PRUNE2: variants seen among roughly 807,000 people sequenced by gnomAD.
The protein encoded by PRUNE2 is protein prune homolog 2.
In PRUNE2, 164 loss-of-function variants were observed where a neutral mutation model predicts 252.0. The observed-to-expected ratio is 0.65, with a 90% CI of 0.57 to 0.74. The LOEUF is 0.74. PRUNE2 is among the 30% of genes least tolerant of loss of function. PRUNE2 has a pLI of 0.00. For synonymous variants in PRUNE2, 1,292 were observed against 1,350.2 expected, an observed-to-expected ratio of 0.96 and a Z score of 0.94; for missense variants, 3,495 against 3,711.0, an observed-to-expected ratio of 0.94 and a Z score of 1.51.
chr9:76,679,044 A>T (rs554441809), intron 9 of PRUNE2, among the ~76,000 whole-genome samples: 12 of 152,312 alleles, frequency 7.9e-5, no homozygotes, highest in Admixed American at 2.6e-4. Flanking sequence ...CTGCACTTGA[A>T]TCTTGGCTCT....
Position 76,834,430 on chromosome 9 carries a change from C to T in PRUNE2, c.509-7698G>A, listed in dbSNP as rs183473852. Among the ~76,000 whole-genome samples, 223 of 152,190 alleles carry T rather than the reference C, an allele frequency of 1.5e-3. 2 individuals carry two copies. The highest frequency in any genetic ancestry group is 4.5e-3 in the African/African-American group (187 of 41,516). ...CAATAATACAAAATTACCTGTATTT[C>T]CATAAATAATCACAATTAAAAATCA... On this transcript the variant is annotated intron_variant, in intron 4 of 18. Coordinates refer to ENST00000376718, the MANE Select transcript of PRUNE2 (RefSeq NM_015225.3).
chr9:76,694,229 C>G (rs574468449), intron 9 of PRUNE2, among the ~76,000 whole-genome samples: 1 of 152,178 alleles, frequency 6.6e-6, no homozygotes, highest in South Asian at 2.1e-4. Flanking sequence ...TTCGCCCAGG[C>G]TGGAGTGCAG....
At chr9:76,686,719 T>C (rs1161201911) in intron 9 of PRUNE2, among the ~76,000 whole-genome samples, 1 of 152,050 alleles carries the variant, frequency 6.6e-6, no homozygotes, top group Non-Finnish European at 1.5e-5. Context: ...GTCTCCAGAG[T>C]AGATGGGACC....
At chr9:76,643,563 A>G (rs1843471200) in intron 12 of PRUNE2, among the ~76,000 whole-genome samples, 1 of 152,152 alleles carries the variant, frequency 6.6e-6, no homozygotes, top group Non-Finnish European at 1.5e-5. Context: ...CTCATTCTGA[A>G]GGGCTACGGG....
chr9:76,772,959 G>A (rs2130979491), intron 6 of PRUNE2, among the ~76,000 whole-genome samples: 1 of 152,238 alleles, frequency 6.6e-6, no homozygotes, highest in Middle Eastern at 3.4e-3. Context: ...GTCACTTTTT[G>A]CTCCTTTCCT....
chr9:76,899,185 G>A (rs1222789960), intron 1 of PRUNE2, among the ~76,000 whole-genome samples: 1 of 152,194 alleles, frequency 6.6e-6, no homozygotes, highest in African/African-American at 2.4e-5. Context: ...TGAGCCACAT[G>A]GAGGAGAACC....
Position 76,894,866 on chromosome 9 carries a change from G to A in PRUNE2, c.36+11062C>T, listed in dbSNP as rs372933520. 1.5e-4 allele frequency among the ~76,000 whole-genome samples: 23 copies of A among 151,976 alleles called. No individual in the cohort carries two copies. In the South Asian group the frequency reaches 2.3e-3, roughly 15 times the overall value. ...GAAACCCCGTCTCTGCTAAAGACAC[G>A]CACACAAAAATTAGCTGGGCGTGAT... is the stretch of plus-strand genomic sequence containing the variant. On this transcript the variant is annotated intron_variant, in intron 1 of 18. Coordinates refer to ENST00000376718, the MANE Select transcript of PRUNE2 (RefSeq NM_015225.3).
intron 9 of PRUNE2, among the ~76,000 whole-genome samples, chr9:76,660,795 A>AG (rs1272546613): frequency 3.3e-4 from 49 of 148,700 alleles, no homozygotes; most frequent in Non-Finnish European, 6.6e-4. Flanking sequence ...AAAAAAAAAA[A>AG]AAAAAAGAAA....
Position 76,846,597 on chromosome 9 carries a change from C to A in PRUNE2, c.426G>T (p.Glu142Asp). Residue 142 changes from glutamate to aspartate, a missense_variant, in exon 4 of 19, where the codon GAG becomes GAT. Coordinates refer to ENST00000376718, the MANE Select transcript of PRUNE2 (RefSeq NM_015225.3). ...EQSDANVEFR[E>D]SSSSLVLKEI... ...CCTTTAGCACGAGAGAAGAGGAAGA[C>A]TCTCGGAACTCAACGTTGGCATCGC... 2.5e-6 allele frequency: 4 copies of A among 1,614,032 alleles called. No individual in the cohort carries two copies. The highest frequency in any genetic ancestry group is 2.5e-6 in the Non-Finnish European group (3 of 1,179,894).
chr9:76,632,641 T>G (rs1838191662), intron 15 of PRUNE2, among the ~76,000 whole-genome samples: 2 of 152,134 alleles, frequency 1.3e-5, no homozygotes, highest in South Asian at 4.1e-4. Flanking sequence ...CACTACAGCC[T>G]TGGACTCCTG....
At chr9:76,812,265 G>A (rs1357547756) in intron 6 of PRUNE2, among the ~76,000 whole-genome samples, 2 of 152,182 alleles carry the variant, frequency 1.3e-5, no homozygotes, top group Non-Finnish European at 2.9e-5. Flanking sequence ...TATGGTGGCT[G>A]TGATGTTTTG....
intron 6 of PRUNE2, among the ~76,000 whole-genome samples, chr9:76,721,243 T>A (rs1200240086): frequency 6.6e-6 from 1 of 152,226 alleles, no homozygotes; most frequent in East Asian, 1.9e-4. Context: ...ATTAAAAAAA[T>A]GTATAGTGAT....
intron 6 of PRUNE2, among the ~76,000 whole-genome samples, chr9:76,769,200 G>A (rs1039210591): frequency 3.9e-5 from 6 of 152,152 alleles, no homozygotes; most frequent in African/African-American, 7.2e-5. Flanking sequence ...TCTTCAGATC[G>A]TATAAATCTC....
intron 7 of PRUNE2, among the ~76,000 whole-genome samples, chr9:76,712,785 A>G (rs2046837033): frequency 6.6e-6 from 1 of 152,126 alleles, no homozygotes; most frequent in Admixed American, 6.5e-5. Flanking sequence ...GCTCTTTCAC[A>G]TTCGGACTTG....
At chr9:76,788,358 G>A (rs746446210) in intron 6 of PRUNE2, 5 of 721,972 alleles carry the variant, frequency 6.9e-6, no homozygotes, top group Non-Finnish European at 2.6e-6. Flanking sequence ...TCAGTTGATA[G>A]TTATTATATA....
intron 4 of PRUNE2, among the ~76,000 whole-genome samples, chr9:76,832,182 T>A (rs577159825): frequency 2.3e-4 from 35 of 152,200 alleles, no homozygotes; most frequent in African/African-American, 8.4e-4. Flanking sequence ...TTTTAACACA[T>A]CTCTCGCAGC....
chr9:76,648,579 T>G (rs1322981619), intron 11 of PRUNE2, among the ~76,000 whole-genome samples: 1 of 152,214 alleles, frequency 6.6e-6, no homozygotes, highest in East Asian at 1.9e-4. Flanking sequence ...GCATATTGTA[T>G]GAGTCCAACT....
chr9:76,795,881 C>T (rs1015050758), intron 6 of PRUNE2, among the ~76,000 whole-genome samples: 6 of 152,168 alleles, frequency 3.9e-5, no homozygotes, highest in Non-Finnish European at 8.8e-5. Flanking sequence ...TCTGCCTGGA[C>T]ATTGACTTTT....
intron 1 of PRUNE2, among the ~76,000 whole-genome samples, chr9:76,860,731 T>G (rs2060501121): frequency 6.6e-6 from 1 of 152,176 alleles, no homozygotes. Flanking sequence ...CACACTAAAG[T>G]GGGGGCACAT....
Sources: gnomAD v4.1 joint callset for allele counts (sites outside exome capture counted in the v4.1 genomes callset) on GRCh38, gnomAD v4.1.1 for gene constraint, MANE v1.5 for transcripts, NCBI Gene and HGNC (gene_info 2026-07-23, HGNC 2026-07-21) for gene names.